Variants in PVT1 observed in about 807,000 individuals in gnomAD.
PVT1 encodes CXCR4/PVT1 fusion.
intron 2 of PVT1, among the ~76,000 whole-genome samples, chr8:127,810,206 C>T (rs1380425302): frequency 6.6e-6 from 1 of 152,242 alleles, no homozygotes; most frequent in Non-Finnish European, 1.5e-5. Flanking sequence ...TCTCCCCAGG[C>T]CTTGCAAAGG....
chr8:128,051,817 C>T (rs1813699565), intron 4 of PVT1, among the ~76,000 whole-genome samples: 1 of 152,098 alleles, frequency 6.6e-6, no homozygotes. Context: ...CTTTGTTGAA[C>T]TTCTACTTTG....
intron 4 of PVT1, among the ~76,000 whole-genome samples, chr8:128,036,043 C>T (rs1358237470): frequency 2.0e-5 from 3 of 152,190 alleles, no homozygotes; most frequent in Admixed American, 6.5e-5. Context: ...GGAACTAATA[C>T]AATGTGTCCT....
intron 4 of PVT1, among the ~76,000 whole-genome samples, chr8:128,054,920 C>T (rs1274602286): frequency 2.6e-5 from 4 of 152,160 alleles, no homozygotes. Context: ...GAGTAGAGCA[C>T]ATTATCTTCC....
chr8:128,006,352 A>G (rs1046645569), intron 4 of PVT1, among the ~76,000 whole-genome samples: 2 of 152,144 alleles, frequency 1.3e-5, no homozygotes, highest in East Asian at 1.9e-4. Flanking sequence ...TTGCCACTAT[A>G]AAGAATGAGA....
rs1177668043 is a variant in PVT1, at chr8:127,983,412, A to G, written n.783-5750A>G. ...AGAAAGGCTTTGATTTCTTGCTTGCATGGATGGTTAATACTCCAGGCTCTT... is the reference window on the plus strand; with the variant it reads ...AGAAAGGCTTTGATTTCTTGCTTGCGTGGATGGTTAATACTCCAGGCTCTT... On this transcript the variant is annotated intron_variant and non_coding_transcript_variant, in intron 3 of 10. Coordinates refer to ENST00000651587, the Ensembl canonical transcript of PVT1. Among the ~76,000 whole-genome samples, 5 of 152,162 alleles carry G rather than the reference A, an allele frequency of 3.3e-5. No individual in the cohort carries two copies. In the South Asian group the frequency reaches 8.3e-4, roughly 25 times the overall value.
chr8:128,089,668 G>T (rs578078450), intron 5 of PVT1, among the ~76,000 whole-genome samples: 1 of 151,080 alleles, frequency 6.6e-6, no homozygotes, highest in Non-Finnish European at 1.5e-5. Flanking sequence ...AGCAGGGTGT[G>T]GGGGGGGTCA....
At chr8:127,815,647 G>A (rs951789054) in intron 2 of PVT1, among the ~76,000 whole-genome samples, 2 of 152,134 alleles carry the variant, frequency 1.3e-5, no homozygotes, top group East Asian at 3.9e-4. Flanking sequence ...GGCGGAGGAG[G>A]CACAGGGTAC....
intron 2 of PVT1, among the ~76,000 whole-genome samples, chr8:127,808,552 G>T (rs1249942664): frequency 6.6e-6 from 1 of 152,098 alleles, no homozygotes; most frequent in East Asian, 1.9e-4. Flanking sequence ...TTAAGTCTTT[G>T]GGGGTGGCTA....
Position 127,803,120 on chromosome 8 carries a change from T to A in PVT1, n.372+7049T>A, listed in dbSNP as rs1401532742. 9.9e-5 allele frequency: 12 copies of A among 120,952 alleles called. No homozygotes were observed. In the Admixed American group the frequency reaches 1.0e-3, roughly 10 times the overall value. 7.5% of individuals were successfully genotyped at this position (120,952 alleles called of 1,614,324 possible). A position where few individuals can be genotyped will look rare whatever the true frequency, so the allele number is the denominator to read the frequency against. The stretch of plus-strand genomic sequence containing the variant: ...TATAAGTGATTTCTTTTTCTTTCTT[T>A]CTTTCTTTTTTTTTTTTTTTTTTTT... On this transcript the variant is annotated intron_variant and non_coding_transcript_variant, in intron 2 of 10. Coordinates refer to ENST00000651587, the Ensembl canonical transcript of PVT1.
intron 2 of PVT1, among the ~76,000 whole-genome samples, chr8:127,811,651 T>C (rs62512775): frequency 6.6e-6 from 1 of 152,142 alleles, no homozygotes; most frequent in Non-Finnish European, 1.5e-5. Context: ...CCTGGAAAAG[T>C]CATCATTCCT....
At chr8:127,808,518 T>C (rs1414515996) in intron 2 of PVT1, among the ~76,000 whole-genome samples, 2 of 152,076 alleles carry the variant, frequency 1.3e-5, no homozygotes, top group African/African-American at 4.8e-5. Context: ...AGGTGTTTGG[T>C]CATGGAGGGC....
intron 2 of PVT1, among the ~76,000 whole-genome samples, chr8:127,810,973 G>C (rs1044806553): frequency 1.3e-5 from 2 of 152,096 alleles, no homozygotes; most frequent in African/African-American, 4.8e-5. Flanking sequence ...TTTCTACAGT[G>C]GGTTCCTGTC....
intron 3 of PVT1, among the ~76,000 whole-genome samples, chr8:127,951,514 A>C (rs1272627008): frequency 1.3e-5 from 2 of 152,168 alleles, no homozygotes; most frequent in Non-Finnish European, 2.9e-5. Flanking sequence ...AGATCACAGA[A>C]AGGTCTTGAG....
intron 2 of PVT1, among the ~76,000 whole-genome samples, chr8:127,812,256 C>CAGGA (rs548047681): frequency 0.059 from 7,082 of 119,198 alleles, 289 homozygotes; most frequent in Non-Finnish European, 0.08. Context: ...GGCAGGAAGG[C>CAGGA]AGGAAGGCAG....
chr8:128,079,004 C>CTTTTTTTTTTT (rs200203311), intron 5 of PVT1, among the ~76,000 whole-genome samples: 1 of 127,978 alleles, frequency 7.8e-6, no homozygotes. Flanking sequence ...CTTTTCTTTT[C>CTTTTTTTTTTT]TTTTTTTTTT....
At chr8:127,952,038 A>G (rs1029184041) in intron 3 of PVT1, among the ~76,000 whole-genome samples, 1 of 151,626 alleles carries the variant, frequency 6.6e-6, no homozygotes, top group Non-Finnish European at 1.5e-5. Flanking sequence ...CTGCTCTCGA[A>G]CTCCTGACCT....
At chr8:127,835,661 T>C (rs1020899833) in intron 2 of PVT1, among the ~76,000 whole-genome samples, 4 of 152,144 alleles carry the variant, frequency 2.6e-5, no homozygotes, top group African/African-American at 9.7e-5. Context: ...AGGCTTCCCA[T>C]TGTATCTCCT....
Position 128,021,071 on chromosome 8 carries a change from C to T in PVT1, n.912+31780C>T, listed in dbSNP as rs553034148. ...ATGTTTTGGTAGCTTCCTTAGGGGTCTTTTCAACTCCAGGCCCTCCCTCTG... is the reference window on the plus strand; with the variant it reads ...ATGTTTTGGTAGCTTCCTTAGGGGTTTTTTCAACTCCAGGCCCTCCCTCTG... On this transcript the variant is annotated intron_variant and non_coding_transcript_variant, in intron 4 of 10. Transcript: ENST00000651587. Among the ~76,000 whole-genome samples, 3 of 152,214 alleles carry T rather than the reference C, an allele frequency of 2.0e-5. No individual in the cohort carries two copies. In the South Asian group the frequency reaches 6.2e-4, roughly 32 times the overall value.
intron 4 of PVT1, among the ~76,000 whole-genome samples, chr8:128,060,243 G>A (rs1813814462): frequency 6.6e-6 from 1 of 152,168 alleles, no homozygotes; most frequent in African/African-American, 2.4e-5. Context: ...GCGACAGAGT[G>A]AGACTCCGTC....
Sources: gnomAD v4.1 joint callset for allele counts (sites outside exome capture counted in the v4.1 genomes callset) on GRCh38, gnomAD v4.1.1 for gene constraint, MANE v1.5 for transcripts, NCBI Gene and HGNC (gene_info 2026-07-23, HGNC 2026-07-21) for gene names.